GM2A: variants seen among roughly 807,000 people sequenced by gnomAD.
The protein encoded by GM2A is ganglioside GM2 activator.
In GM2A, 7 loss-of-function variants were observed where a neutral mutation model predicts 12.9. That is an observed-to-expected ratio of 0.54 (90% CI 0.31 to 1.02). The LOEUF (loss-of-function observed/expected upper bound fraction) is 1.02, where lower values mean the gene tolerates loss of function less well. Ranked by LOEUF, GM2A falls within the 50% of genes least tolerant of loss-of-function variation. The probability of loss-of-function intolerance (pLI) is 0.05; values close to 1 mark genes in which losing one functional copy is unlikely to be tolerated. For missense variants in GM2A, 246 were observed against 241.0 expected (o/e 1.02, Z -0.14); for synonymous variants, 101 against 96.0 (o/e 1.05, Z -0.30).
At chr5:151,253,870 C>T (rs909166079) in intron 1 of GM2A, among the ~76,000 whole-genome samples, 2 of 152,134 alleles carry the variant, frequency 1.3e-5, no homozygotes, top group Non-Finnish European at 2.9e-5. Flanking sequence ...TCATTGACAC[C>T]GCTTCTTCCT....
rs1381087269 is a variant in GM2A at position 151,268,967 on chromosome 5, G to A, written c.*1516G>A. On this transcript the variant is annotated 3_prime_UTR_variant, in exon 4 of 4. Coordinates refer to ENST00000357164, the MANE Select transcript of GM2A (RefSeq NM_000405.5). ...CAAGGCTCTTCCAGTGCTAGGAGAGGTATGAGCAGCCTCTCACCTGTGAGC... is the reference window on the plus strand; with the variant it reads ...CAAGGCTCTTCCAGTGCTAGGAGAGATATGAGCAGCCTCTCACCTGTGAGC... 3.5e-5 allele frequency: 34 copies of A among 985,448 alleles called. No homozygotes were observed. The highest frequency in any genetic ancestry group is 4.1e-5 in the Non-Finnish European group (34 of 829,956). 61.0% of individuals were successfully genotyped at this position (985,448 alleles called of 1,614,324 possible).
intron 1 of GM2A, among the ~76,000 whole-genome samples, chr5:151,259,525 C>T (rs1213204291): frequency 6.6e-6 from 1 of 152,136 alleles, no homozygotes; most frequent in Non-Finnish European, 1.5e-5. Context: ...TTACAATACA[C>T]TTTTGGGAGA....
Position 151,253,230 on chromosome 5 carries a change from T to G in GM2A, c.14T>G (p.Met5Arg). Residue 5 changes from methionine (M) to arginine (R), a missense_variant, in exon 1 of 4, where the codon ATG becomes AGG. Physicochemically the swap from Met to Arg is moderately conservative, Grantham distance 91. Transcript: ENST00000357164. The stretch of plus-strand genomic sequence containing the variant: ...CCACCCTTCCCGATGCAGTCCCTGA[T>G]GCAGGCTCCCCTCCTGATCGCCCTG... Reference protein sequence around the residue: MQSLMQAPLLIALGL... With the variant: MQSLRQAPLLIALGL... 1 of 1,614,030 alleles carries G rather than the reference T, an allele frequency of 6.2e-7. No homozygotes were observed. Among genetic ancestry groups the G allele is most frequent in the South Asian group, 1.1e-5 (1 of 91,084 alleles).
At chr5:151,257,427 C>A (rs1753711535) in intron 1 of GM2A, among the ~76,000 whole-genome samples, 1 of 152,116 alleles carries the variant, frequency 6.6e-6, no homozygotes, top group Non-Finnish European at 1.5e-5. Flanking sequence ...CACCCCCAGC[C>A]CAGAATCAAT....
intron 1 of GM2A, 83 bp downstream of exon 1, chr5:151,253,380 G>A: frequency 2.1e-6 from 2 of 939,850 alleles, no homozygotes; most frequent in Non-Finnish European, 1.7e-6. Context: ...ATATGGGGGT[G>A]GCCACTCCGT....
rs1262816244 is a variant in GM2A, at chr5:151,270,378, G to GT, written c.*2928dup. 2 of 398,432 alleles carry GT rather than the reference G, an allele frequency of 5.0e-6. No individual in the cohort carries two copies. The highest frequency in any genetic ancestry group is 4.1e-5 in the African/African-American group (2 of 48,582). The allele number at this position is 398,432 out of a possible 1,614,324, so 24.7% of individuals were successfully genotyped here. On this transcript the variant is annotated 3_prime_UTR_variant, in exon 4 of 4. Coordinates refer to ENST00000357164, the MANE Select transcript of GM2A (RefSeq NM_000405.5). ...TACATGAAGATAATAAAAATGCTTA[G>GT]TAAAAACACAATAAAATCAAATGAC...
At position 151,253,244 on chromosome 5, in the gene GM2A, C is replaced by A. The variant is rs1300045647; in HGVS notation, c.28C>A (p.Leu10Met). The A allele has an allele frequency of 1.9e-6, 3 of 1,613,970 alleles. No individual in the cohort carries two copies. The African/African-American group carries it at 4.0e-5, about 22-fold the overall frequency. The part of the protein sequence containing the change: MQSLMQAPL[L>M]IALGLLLAAP... ...GCAGTCCCTGATGCAGGCTCCCCTC[C>A]TGATCGCCCTGGGCTTGCTTCTCGC... Residue 10 changes from leucine (L) to methionine (M), a missense_variant, in exon 1 of 4, where the codon CTG becomes ATG. By Grantham distance (15) the Leu-to-Met change is conservative (BLOSUM62 2). Coordinates refer to ENST00000357164, the MANE Select transcript of GM2A (RefSeq NM_000405.5).
In GM2A at chr5:151,259,048, G is replaced by A. The variant is rs139392711; in HGVS notation, c.82-707G>A. Among the ~76,000 whole-genome samples, 413 of 152,306 alleles carry A rather than the reference G, an allele frequency of 2.7e-3. 2 individuals are homozygous for A. The highest frequency in any genetic ancestry group is 9.4e-3 in the African/African-American group (390 of 41,552). On this transcript the variant is annotated intron_variant, in intron 1 of 3. Transcript: ENST00000357164. ...ATCAGGAGACCTGGGGGATGTGGAG[G>A]AGGAACAGGAGCAGCTCAGCACAGG...
chr5:151,261,107 C>T (rs1323909087), intron 2 of GM2A, among the ~76,000 whole-genome samples: 3 of 152,170 alleles, frequency 2.0e-5, no homozygotes, highest in Non-Finnish European at 4.4e-5. Flanking sequence ...TTACTGCAGC[C>T]TTGACCTCCT....
At chr5:151,262,773 G>A (rs773180894) in intron 2 of GM2A, among the ~76,000 whole-genome samples, 3 of 152,152 alleles carry the variant, frequency 2.0e-5, no homozygotes, top group East Asian at 1.9e-4. Flanking sequence ...CTGATCTGGA[G>A]TGTGGGCTCT....
In GM2A at chr5:151,256,821, A is replaced by G. The variant is rs571323249; in HGVS notation, c.82-2934A>G. ...TCTGAGCCAGGATCCAATCCAGGGT[A>G]CTGCACTGCCATTGTTGTCATGACA... On this transcript the variant is annotated intron_variant, in intron 1 of 3. Coordinates refer to ENST00000357164, the MANE Select transcript of GM2A (RefSeq NM_000405.5). Among the ~76,000 whole-genome samples the G allele has an allele frequency of 3.3e-5, 5 of 152,238 alleles. No homozygotes were observed. The South Asian group carries it at 1.0e-3, about 32-fold the overall frequency.
At chr5:151,253,377 G>A in intron 1 of GM2A, 80 bp downstream of exon 1, 3 of 974,636 alleles carry the variant, frequency 3.1e-6, no homozygotes, top group Non-Finnish European at 4.9e-6. Flanking sequence ...GAGATATGGG[G>A]GTGGCCACTC....
intron 2 of GM2A, among the ~76,000 whole-genome samples, chr5:151,265,251 G>A (rs994075627): frequency 6.6e-6 from 1 of 152,172 alleles, no homozygotes; most frequent in Non-Finnish European, 1.5e-5. Flanking sequence ...ACCACAGGAT[G>A]TGCTAACTTC....
Position 151,270,291 on chromosome 5 carries a change from A to G in GM2A, c.*2840A>G, listed in dbSNP as rs1753984746. The G allele has an allele frequency of 2.4e-6, 1 of 411,496 alleles. No homozygotes were observed. Among genetic ancestry groups the G allele is most frequent in the Non-Finnish European group, 4.2e-6 (1 of 237,938 alleles). The allele number at this position is 411,496 out of a possible 1,614,324, so 25.5% of individuals were successfully genotyped here. ...TCCAAATGTAAGAAAATGAAGCCAT[A>G]TAAATACAGAAGGAAACGTGGTGGA... On this transcript the variant is annotated 3_prime_UTR_variant, in exon 4 of 4. Transcript: ENST00000357164.
intron 2 of GM2A, among the ~76,000 whole-genome samples, chr5:151,260,737 T>A (rs1429644818): frequency 6.6e-6 from 1 of 152,226 alleles, no homozygotes; most frequent in Non-Finnish European, 1.5e-5. Flanking sequence ...ATTACATACA[T>A]AACACACATA....
At position 151,259,752 on chromosome 5, in the gene GM2A, C is replaced by T. The variant is rs1466807644; in HGVS notation, c.82-3C>T. The T allele has an allele frequency of 1.2e-6, 2 of 1,613,552 alleles. No individual in the cohort carries two copies. Among genetic ancestry groups the T allele is most frequent in the South Asian group, 1.1e-5 (1 of 91,066 alleles). ...TCCTTCCTTGCTGCCTGATTGTCCC[C>T]AGCCATCCCAGCTCAGTAGCTTTTC... On this transcript the variant is annotated splice_region_variant and splice_polypyrimidine_tract_variant and intron_variant, in intron 1 of 3. Coordinates refer to ENST00000357164, the MANE Select transcript of GM2A (RefSeq NM_000405.5).
intron 2 of GM2A, among the ~76,000 whole-genome samples, chr5:151,265,133 G>C (rs971477925): frequency 6.6e-6 from 1 of 152,164 alleles, no homozygotes; most frequent in Non-Finnish European, 1.5e-5. Context: ...GGTTTGATGA[G>C]AGAGAGGAGG....
intron 1 of GM2A, among the ~76,000 whole-genome samples, chr5:151,254,496 G>T (rs1398563077): frequency 6.6e-6 from 1 of 152,120 alleles, no homozygotes; most frequent in Non-Finnish European, 1.5e-5. Flanking sequence ...TGCAGGTGTG[G>T]GCCACCAAGT....
chr5:151,259,797 G>C lies in GM2A; in HGVS notation c.124G>C (p.Gly42Arg). 1 of 1,613,916 alleles carries C rather than the reference G, an allele frequency of 6.2e-7. No homozygotes were observed. The highest frequency in any genetic ancestry group is 1.1e-5 in the South Asian group (1 of 91,076). The change falls in exon 2 of 4, where the codon GGG becomes CGG. Residue 42 changes from glycine to arginine, a missense_variant. Transcript: ENST00000357164. The stretch of plus-strand genomic sequence containing the variant: ...CTTTTCCTGGGATAACTGTGATGAA[G>C]GGAAGGACCCTGCGGTGATCAGAAG... ...SSFSWDNCDE[G>R]KDPAVIRSLT... is the part of the protein sequence containing the mutation.
Sources: gnomAD v4.1 joint callset for allele counts (sites outside exome capture counted in the v4.1 genomes callset) on GRCh38, gnomAD v4.1.1 for gene constraint, MANE v1.5 for transcripts, NCBI Gene and HGNC (gene_info 2026-07-23, HGNC 2026-07-21) for gene names.